CC2D2B: variants seen among roughly 807,000 people sequenced by gnomAD.
The protein encoded by CC2D2B is coiled-coil and C2 domain containing 2B.
Under a neutral mutation model 161.2 loss-of-function variants are expected in CC2D2B, and 128 were observed. The observed-to-expected ratio is 0.79, with a 90% CI of 0.69 to 0.92. The LOEUF (loss-of-function observed/expected upper bound fraction) is 0.92, where lower values mean the gene tolerates loss of function less well. Ranked by LOEUF, CC2D2B falls within the 40% of genes least tolerant of loss-of-function variation. The pLI, the probability that CC2D2B is intolerant of heterozygous loss-of-function variation, is 0.00. For synonymous variants in CC2D2B, 391 were observed against 449.8 expected (o/e 0.87, Z 1.65); for missense variants, 1,173 against 1,375.1 (o/e 0.85, Z 2.32).
rs1340981599 is a variant in CC2D2B, at chr10:95,968,906, G to A, written c.1644+5G>A. On this transcript the variant is annotated splice_donor_5th_base_variant and intron_variant, in intron 15 of 34. Transcript: ENST00000646931. ...CCTGAAGTGATTTGTTTGGAGGTAT[G>A]CCATTGTCATTTACTTTTGTATCTT... is the stretch of plus-strand genomic sequence containing the variant. The A allele has an allele frequency of 8.2e-7, 1 of 1,222,712 alleles. No individual in the cohort carries two copies. The highest frequency in any genetic ancestry group is 1.0e-6 in the Non-Finnish European group (1 of 979,690). 75.7% of individuals were successfully genotyped at this position (1,222,712 alleles called of 1,614,324 possible).
chr10:95,916,997 TC>T (rs2098517520), intron 2 of CC2D2B, among the ~76,000 whole-genome samples: 1 of 152,184 alleles, frequency 6.6e-6, no homozygotes, highest in African/African-American at 2.4e-5. Flanking sequence ...TGTTGAAGTC[TC>T]CAACTATTGC....
chr10:95,993,938 GTGTGTATGTATGTGTA>G (rs1283039254), intron 22 of CC2D2B, among the ~76,000 whole-genome samples: 2 of 38,330 alleles, frequency 5.2e-5, no homozygotes, highest in Non-Finnish European at 8.3e-5. Flanking sequence ...GTGTGTGTGT[GTGTGTATGTATGTGTA>G]TATATATATA....
At chr10:96,006,168 G>A (rs1386886194) in intron 25 of CC2D2B, among the ~76,000 whole-genome samples, 1 of 150,980 alleles carries the variant, frequency 6.6e-6, no homozygotes, top group Non-Finnish European at 1.5e-5. Context: ...CAGGACTACA[G>A]TTTTTGTACT....
intron 26 of CC2D2B, among the ~76,000 whole-genome samples, chr10:96,010,453 G>A (rs1362105741): frequency 6.6e-6 from 1 of 152,078 alleles, no homozygotes; most frequent in Non-Finnish European, 1.5e-5. Context: ...ACATCTCGAC[G>A]CCATGCCAGA....
intron 22 of CC2D2B, among the ~76,000 whole-genome samples, chr10:95,993,836 A>G (rs1192433698): frequency 1.4e-4 from 10 of 69,384 alleles, no homozygotes; most frequent in African/African-American, 8.9e-4. Context: ...TAAAGAGTGT[A>G]TATATATATA....
intron 24 of CC2D2B, among the ~76,000 whole-genome samples, chr10:96,001,222 G>T (rs1301234131): frequency 1.3e-5 from 2 of 152,036 alleles, no homozygotes; most frequent in Non-Finnish European, 2.9e-5. Flanking sequence ...TTTCTCTCAT[G>T]AGCAGGTATG....
chr10:96,016,790 G>T (rs565765556), intron 30 of CC2D2B, among the ~76,000 whole-genome samples: 1 of 152,088 alleles, frequency 6.6e-6, no homozygotes, highest in African/African-American at 2.4e-5. Context: ...GCGTGATCTC[G>T]CCTCACTACA....
At chr10:95,933,605 T>C (rs1407863446) in intron 6 of CC2D2B, among the ~76,000 whole-genome samples, 1 of 152,218 alleles carries the variant, frequency 6.6e-6, no homozygotes, top group African/African-American at 2.4e-5. Context: ...ATGCTATTCC[T>C]TTCTGTTTGT....
intron 18 of CC2D2B, 41 bp from the exon 19 acceptor site, chr10:95,983,565 A>G (rs2077611897): frequency 1.9e-6 from 2 of 1,033,504 alleles, no homozygotes; most frequent in Non-Finnish European, 2.5e-6. Context: ...TCCTGAATTA[A>G]AAAAAATTAA....
chr10:96,010,867 T>G (rs2078959065), intron 26 of CC2D2B, among the ~76,000 whole-genome samples: 1 of 152,208 alleles, frequency 6.6e-6, no homozygotes, highest in South Asian at 2.1e-4. Context: ...CCTGCCTATG[T>G]GTCCTGACAC....
At chr10:95,933,743 T>C (rs926671895) in intron 6 of CC2D2B, among the ~76,000 whole-genome samples, 6 of 152,282 alleles carry the variant, frequency 3.9e-5, no homozygotes, top group African/African-American at 4.8e-5. Flanking sequence ...TGCCTCTTCC[T>C]TCCTCTGGAA....
rs374317310 is a variant in CC2D2B at position 96,019,741 on chromosome 10, G to T, written c.3805G>T (p.Val1269Leu). ...NIQQNNTPMA[V>L]FFDYSKESFW... ...TCAACAAAATAATACACCAATGGCT[G>T]TATTTTTTGACTATTCAAAGGAAAG... is the stretch of plus-strand genomic sequence containing the variant. Residue 1269 changes from valine (V) to leucine (L), a missense_variant, in exon 32 of 35, where the codon GTA becomes TTA. Transcript: ENST00000646931. 1.7e-5 allele frequency: 27 copies of T among 1,600,764 alleles called. No individual in the cohort carries two copies. The highest frequency in any genetic ancestry group is 1.3e-5 in the Non-Finnish European group (15 of 1,175,574).
intron 19 of CC2D2B, among the ~76,000 whole-genome samples, chr10:95,986,825 A>T (rs2141631067): frequency 6.6e-6 from 1 of 151,970 alleles, no homozygotes; most frequent in East Asian, 1.9e-4. Flanking sequence ...TTGAACTCCT[A>T]ACTTTAAGTG....
At chr10:95,958,880 T>G (rs879440803) in intron 11 of CC2D2B, among the ~76,000 whole-genome samples, 7 of 151,670 alleles carry the variant, frequency 4.6e-5, no homozygotes, top group African/African-American at 1.5e-4. Context: ...TAAACAGAAA[T>G]TAATAATAAA....
chr10:96,012,807 T>C (rs2079047956), intron 28 of CC2D2B, 78 bp downstream of exon 28: 1 of 915,674 alleles, frequency 1.1e-6, no homozygotes, highest in Non-Finnish European at 1.7e-6. Context: ...TTTTGTGTAT[T>C]TGGGTTCAAT....
At chr10:95,989,319 T>C (rs1476858054) in intron 20 of CC2D2B, among the ~76,000 whole-genome samples, 1 of 152,180 alleles carries the variant, frequency 6.6e-6, no homozygotes, top group Non-Finnish European at 1.5e-5. Flanking sequence ...ACATCCAATG[T>C]GAGGGGCAAA....
In CC2D2B at chr10:96,033,528, A is replaced by T. The variant is rs556561715; in HGVS notation, c.*1520A>T. 1.3e-5 allele frequency among the ~76,000 whole-genome samples: 2 copies of T among 152,238 alleles called. No individual in the cohort carries two copies. Among genetic ancestry groups the T allele is most frequent in the Admixed American group, 1.3e-4 (2 of 15,270 alleles). On this transcript the variant is annotated 3_prime_UTR_variant, in exon 35 of 35. Coordinates refer to ENST00000646931, the MANE Select transcript of CC2D2B (RefSeq NM_001349008.3). ...AGCACAAAATGATGCTGATGGAAAG[A>T]TGAGGATGCCAAAGACAGACTGAAT...
intron 17 of CC2D2B, among the ~76,000 whole-genome samples, chr10:95,980,153 A>C (rs1338475148): frequency 6.7e-6 from 1 of 149,194 alleles, no homozygotes; most frequent in Non-Finnish European, 1.5e-5. Context: ...GAAATCTTCA[A>C]TCGAAAAGAA....
At chr10:95,968,184 G>A (rs2077009049) in intron 14 of CC2D2B, among the ~76,000 whole-genome samples, 1 of 152,266 alleles carries the variant, frequency 6.6e-6, no homozygotes, top group Admixed American at 6.5e-5. Context: ...GAGAAAAGGG[G>A]TACACAGCCT....
Sources: allele counts gnomAD v4.1 joint callset (sites outside exome capture counted in the v4.1 genomes callset), GRCh38; gene constraint gnomAD v4.1.1; transcripts MANE v1.5; gene names NCBI Gene and HGNC (gene_info 2026-07-23, HGNC 2026-07-21).